CXADR: variants seen among roughly 807,000 people sequenced by gnomAD.
The protein encoded by CXADR is CXADR cell adhesion molecule.
Under a neutral mutation model 40.3 loss-of-function variants are expected in CXADR, and 20 were observed. The observed-to-expected ratio is 0.50, with a 90% CI of 0.35 to 0.72. CXADR has a LOEUF of 0.72. Ranked by LOEUF, CXADR falls within the 30% of genes least tolerant of loss-of-function variation. The probability of loss-of-function intolerance (pLI) is 0.01; values close to 1 mark genes in which losing one functional copy is unlikely to be tolerated. For synonymous variants in CXADR, 150 were observed against 161.3 expected (o/e 0.93, Z 0.53); for missense variants, 332 against 449.1 (o/e 0.74, Z 2.36).
rs1178066499 is a variant in CXADR at position 17,569,263 on chromosome 21, G to A, written c.*3571G>A. 2 of 985,188 alleles carry A rather than the reference G, an allele frequency of 2.0e-6. No homozygotes were observed. Among genetic ancestry groups the A allele is most frequent in the Non-Finnish European group, 2.4e-6 (2 of 829,916 alleles). The allele number at this position is 985,188 out of a possible 1,614,324, so 61.0% of individuals were successfully genotyped here. ...CCTTATTCCAGTGTGAACAGAAAAA[G>A]TTCATATTTTATGTGGTTAATGCTT... On this transcript the variant is annotated 3_prime_UTR_variant, in exon 7 of 7. Transcript: ENST00000284878.
chr21:17,569,884 T>C lies in CXADR; in HGVS notation c.*4192T>C. On this transcript the variant is annotated 3_prime_UTR_variant, in exon 7 of 7. Coordinates refer to ENST00000284878, the MANE Select transcript of CXADR (RefSeq NM_001338.5). ...TTTCCCTAATTGTGAATTTTAGTGATAAATACACCTGTACTACTGAGGAAA... is the reference window on the plus strand; with the variant it reads ...TTTCCCTAATTGTGAATTTTAGTGACAAATACACCTGTACTACTGAGGAAA... 3 of 985,184 alleles carry C rather than the reference T, an allele frequency of 3.0e-6. No individual in the cohort carries two copies. The highest frequency in any genetic ancestry group is 3.6e-6 in the Non-Finnish European group (3 of 829,710). The allele number at this position is 985,184 out of a possible 1,614,324, so 61.0% of individuals were successfully genotyped here. A position where few individuals can be genotyped will look rare whatever the true frequency, so the allele number is the denominator to read the frequency against.
intron 7 of CXADR, among the ~76,000 whole-genome samples, chr21:17,585,369 CAT>C (rs1403869009): frequency 6.6e-6 from 1 of 151,948 alleles, no homozygotes; most frequent in East Asian, 1.9e-4. Context: ...GAAAACATTC[CAT>C]GTTTTCGAAT....
In CXADR at chr21:17,566,869, A is replaced by G. The variant is rs1348060500; in HGVS notation, c.*1177A>G. ...TACAGTTGCTGTTGTGTGATCAAAC[A>G]TGTCTCTGTGTAGTTCCAGCAAATC... On this transcript the variant is annotated 3_prime_UTR_variant, in exon 7 of 7. Coordinates refer to ENST00000284878, the MANE Select transcript of CXADR (RefSeq NM_001338.5). 7.1e-6 allele frequency: 7 copies of G among 984,410 alleles called. No homozygotes were observed. Among genetic ancestry groups the G allele is most frequent in the African/African-American group, 1.7e-5 (1 of 57,176 alleles). 61.0% of individuals were successfully genotyped at this position (984,410 alleles called of 1,614,324 possible). A position where few individuals can be genotyped will look rare whatever the true frequency, so the allele number is the denominator to read the frequency against.
At chr21:17,623,427 A>AT in the CXADR span, among the ~76,000 whole-genome samples, 1 of 152,196 alleles carries the variant, frequency 6.6e-6, no homozygotes, top group East Asian at 1.9e-4. Context: ...CAGAAAAAAA[A>AT]AATTTAATGT....
At chr21:17,607,553 C>T in the CXADR span, among the ~76,000 whole-genome samples, 1 of 152,108 alleles carries the variant, frequency 6.6e-6, no homozygotes, top group Non-Finnish European at 1.5e-5. Flanking sequence ...GTCAATAGAA[C>T]ACAAGCTCAC....
At chr21:17,541,424 G>C (rs550589284) in intron 1 of CXADR, among the ~76,000 whole-genome samples, 3 of 152,006 alleles carry the variant, frequency 2.0e-5, no homozygotes, top group African/African-American at 7.2e-5. Context: ...GGACGTGGTG[G>C]TGGGCACCTG....
chr21:17,618,410 C>T, the CXADR span, among the ~76,000 whole-genome samples: 8 of 152,158 alleles, frequency 5.3e-5, no homozygotes, highest in African/African-American at 1.7e-4. Context: ...CTGTGAATTG[C>T]GAATGTTTCT....
At chr21:17,575,337 A>G (rs1357048195) in intron 7 of CXADR, among the ~76,000 whole-genome samples, 3 of 149,052 alleles carry the variant, frequency 2.0e-5, no homozygotes, top group African/African-American at 5.0e-5. Flanking sequence ...GCGCACCCAC[A>G]TGCCTGGCTA....
the CXADR span, among the ~76,000 whole-genome samples, chr21:17,634,094 C>T: frequency 6.6e-6 from 1 of 152,174 alleles, no homozygotes; most frequent in Non-Finnish European, 1.5e-5. Context: ...GCCTCACATA[C>T]ACTGGTAAAG....
chr21:17,591,613 T>TA (rs2061435507), intron 7 of CXADR, among the ~76,000 whole-genome samples: 1 of 151,416 alleles, frequency 6.6e-6, no homozygotes, highest in African/African-American at 2.4e-5. Flanking sequence ...ACTTTTTTTT[T>TA]CAAATATCCA....
intron 1 of CXADR, among the ~76,000 whole-genome samples, chr21:17,529,531 GGCT>G (rs1450643331): frequency 1.3e-5 from 2 of 152,120 alleles, no homozygotes; most frequent in Non-Finnish European, 2.9e-5. Context: ...ATGTTGGCCA[GGCT>G]GATCTCGAAC....
the CXADR span, among the ~76,000 whole-genome samples, chr21:17,626,643 A>G: frequency 2.0e-5 from 3 of 152,246 alleles, no homozygotes; most frequent in Non-Finnish European, 4.4e-5. Flanking sequence ...ATGCTATGGC[A>G]TAAAAATAAC....
the CXADR span, among the ~76,000 whole-genome samples, chr21:17,635,972 G>A: frequency 6.6e-6 from 1 of 152,094 alleles, no homozygotes; most frequent in Non-Finnish European, 1.5e-5. Context: ...ATTTTACTCA[G>A]CAATGTTTTA....
the CXADR span, among the ~76,000 whole-genome samples, chr21:17,603,169 T>C: frequency 1.3e-5 from 2 of 152,138 alleles, no homozygotes; most frequent in Non-Finnish European, 2.9e-5. Flanking sequence ...AAGTAAACAA[T>C]TCAATATAGT....
At chr21:17,526,134 A>C (rs1009747038) in intron 1 of CXADR, among the ~76,000 whole-genome samples, 1 of 152,186 alleles carries the variant, frequency 6.6e-6, no homozygotes, top group African/African-American at 2.4e-5. Context: ...GCCAGCAGCT[A>C]CTGTATTGGT....
downstream of CXADR, chr21:17,598,528 G>A (rs2061532371): frequency 2.7e-6 from 3 of 1,117,054 alleles, no homozygotes; most frequent in Non-Finnish European, 3.8e-6. Context: ...TCTCAAGTCA[G>A]AAACCTTGGG....
chr21:17,566,759 T>G lies in CXADR; in HGVS notation c.*1067T>G. On this transcript the variant is annotated 3_prime_UTR_variant, in exon 7 of 7. Transcript: ENST00000284878. ...TGAATATAATCCCTGGATGATATTTTTTATCATAAATGCAGAATAATCAAA... is the reference window on the plus strand; with the variant it reads ...TGAATATAATCCCTGGATGATATTTGTTATCATAAATGCAGAATAATCAAA... 6.2e-6 allele frequency: 6 copies of G among 962,790 alleles called. No homozygotes were observed. The highest frequency in any genetic ancestry group is 7.4e-6 in the Non-Finnish European group (6 of 809,458). The allele number at this position is 962,790 out of a possible 1,614,324, so 59.6% of individuals were successfully genotyped here. A position where few individuals can be genotyped will look rare whatever the true frequency, so the allele number is the denominator to read the frequency against.
At chr21:17,551,068 A>G (rs2060960812) in intron 2 of CXADR, among the ~76,000 whole-genome samples, 1 of 152,114 alleles carries the variant, frequency 6.6e-6, no homozygotes, top group East Asian at 1.9e-4. Flanking sequence ...CTTGGTTGGC[A>G]AACTACAGCC....
At chr21:17,524,832 C>T (rs952160500) in intron 1 of CXADR, among the ~76,000 whole-genome samples, 2 of 151,854 alleles carry the variant, frequency 1.3e-5, no homozygotes, top group African/African-American at 4.8e-5. Context: ...TCACTTGAGC[C>T]CAGGAGGTCA....
Sources: gnomAD v4.1 joint callset for allele counts (sites outside exome capture counted in the v4.1 genomes callset) on GRCh38, gnomAD v4.1.1 for gene constraint, MANE v1.5 for transcripts, NCBI Gene and HGNC (gene_info 2026-07-23, HGNC 2026-07-21) for gene names.